The following FBXO38 variants were observed in gnomAD, a reference collection of about 807,000 sequenced individuals.
FBXO38 encodes the protein F-box only protein 38.
FBXO38 carries 53 observed loss-of-function variants against 131.9 expected under a neutral mutation model. The ratio of observed to expected loss-of-function variants is 0.40; its 90% CI spans 0.32 to 0.51. The LOEUF (loss-of-function observed/expected upper bound fraction) is 0.51, where lower values mean the gene tolerates loss of function less well. Among genes scored for constraint, FBXO38 ranks in the 20% least tolerant of loss-of-function variants. The probability of loss-of-function intolerance (pLI) is 0.53; values close to 1 mark genes in which losing one functional copy is unlikely to be tolerated. For missense variants in FBXO38, 1,076 were observed against 1,475.6 expected, an observed-to-expected ratio of 0.73 and a Z score of 4.44; for synonymous variants, 452 against 505.6, an observed-to-expected ratio of 0.89 and a Z score of 1.42.
intron 9 of FBXO38, chr5:148,413,892 A>G (rs1041445757): frequency 8.5e-6 from 3 of 353,186 alleles, no homozygotes; most frequent in Non-Finnish European, 1.5e-5. Context: ...TCTCTAAACA[A>G]TTGGAAATAA....
chr5:148,410,841 G>C, intron 9 of FBXO38, 76 bp downstream of exon 9: 1 of 1,385,552 alleles, frequency 7.2e-7, no homozygotes, highest in Non-Finnish European at 9.9e-7. Flanking sequence ...GAATTGGGTT[G>C]TGCCATGTCT....
chr5:148,432,704 T>A lies in FBXO38; in HGVS notation c.2654-720T>A, dbSNP rs10045091. Among the ~76,000 whole-genome samples the A allele has an allele frequency of 9.1e-3, 1,381 of 152,346 alleles. 20 individuals carry two copies. Among genetic ancestry groups the A allele is most frequent in the African/African-American group, 0.032 (1,318 of 41,588 alleles). The stretch of plus-strand genomic sequence containing the variant: ...AAGTGTTGAGTGCCAGTTCATTCAA[T>A]AAACATTCATTTTATCCCTTTGCTA... On this transcript the variant is annotated intron_variant, in intron 15 of 21. Coordinates refer to ENST00000340253, the MANE Select transcript of FBXO38 (RefSeq NM_205836.3).
At chr5:148,417,299 C>T in intron 12 of FBXO38, 95 bp downstream of exon 12, 1 of 894,210 alleles carries the variant, frequency 1.1e-6, no homozygotes, top group Admixed American at 2.1e-5. Context: ...CCTGTTTCAA[C>T]TTGTCACTTT....
intron 4 of FBXO38, 84 bp downstream of exon 4, chr5:148,402,229 C>G: frequency 6.5e-7 from 1 of 1,545,078 alleles, no homozygotes; most frequent in Non-Finnish European, 8.8e-7. Flanking sequence ...CACTCACATG[C>G]AAATCTCATC....
chr5:148,385,675 G>T (rs1463161030), intron 1 of FBXO38, among the ~76,000 whole-genome samples: 3 of 152,178 alleles, frequency 2.0e-5, no homozygotes, highest in Admixed American at 6.5e-5. Flanking sequence ...GGTTTATGTG[G>T]TGTGGTATTT....
At position 148,402,703 on chromosome 5, in the gene FBXO38, C is replaced by T. The variant is rs1581238319; in HGVS notation, c.592+190C>T. The T allele has an allele frequency of 1.7e-5, 8 of 462,786 alleles. No homozygotes were observed. In the East Asian group the frequency reaches 2.6e-4, roughly 15 times the overall value. 28.7% of individuals were successfully genotyped at this position (462,786 alleles called of 1,614,324 possible). A position where few individuals can be genotyped will look rare whatever the true frequency, so the allele number is the denominator to read the frequency against. ...ATCCACTGGTGTGAGGGAAATACTG[C>T]TTCACAAGTGTACATTCTCCATCTG... is the stretch of plus-strand genomic sequence containing the variant. On this transcript the variant is annotated intron_variant, in intron 5 of 21. Transcript: ENST00000340253.
intron 9 of FBXO38, among the ~76,000 whole-genome samples, chr5:148,412,576 G>C (rs1261541236): frequency 6.6e-6 from 1 of 152,090 alleles, no homozygotes; most frequent in African/African-American, 2.4e-5. Flanking sequence ...TACTGATAGA[G>C]ACGTATAACT....
At chr5:148,408,815 G>T (rs1049394983) in intron 7 of FBXO38, among the ~76,000 whole-genome samples, 1 of 152,140 alleles carries the variant, frequency 6.6e-6, no homozygotes, top group Non-Finnish European at 1.5e-5. Flanking sequence ...AAATGGCAGG[G>T]TTTCTTTTTT....
At position 148,417,072 on chromosome 5, in the gene FBXO38, A is replaced by G. The variant is rs1355866391; in HGVS notation, c.1486A>G (p.Asn496Asp). ...SALVSNQNSN[N>D]DDNNAQNNNA... ...TCTTGTTAGCAACCAGAACTCCAAC[A>G]ATGACGATAATAATGCCCAGAATAA... Residue 496 changes from asparagine to aspartate, a missense_variant, in exon 12 of 22, where the codon AAT becomes GAT. By Grantham distance (23) the Asn-to-Asp change is conservative. Transcript: ENST00000340253. The G allele has an allele frequency of 1.2e-6, 2 of 1,613,596 alleles. No individual in the cohort carries two copies. The highest frequency in any genetic ancestry group is 1.7e-5 in the Admixed American group (1 of 59,976).
chr5:148,400,364 G>A (rs148484519), intron 3 of FBXO38, among the ~76,000 whole-genome samples: 1,763 of 152,102 alleles, frequency 0.012, 16 homozygotes, highest in Non-Finnish European at 0.019. Context: ...TTCTGAAGAC[G>A]GGATTAACAC....
intron 12 of FBXO38, among the ~76,000 whole-genome samples, chr5:148,418,635 A>C (rs150550033): frequency 3.9e-4 from 60 of 152,322 alleles, no homozygotes; most frequent in African/African-American, 1.4e-3. Flanking sequence ...TATGGTACAT[A>C]GTACAGGTTA....
chr5:148,417,320 G>T lies in FBXO38; in HGVS notation c.1618+116G>T, dbSNP rs1006803862. On this transcript the variant is annotated intron_variant, in intron 12 of 21. Transcript: ENST00000340253. ...TCAACTTGTCACTTTCCACATTGAG[G>T]AAAGCTAGTTGATAAGGAACATGAG... The T allele has an allele frequency of 7.8e-6, 6 of 768,142 alleles. No homozygotes were observed. In the African/African-American group the frequency reaches 1.0e-4, roughly 13 times the overall value. 47.6% of individuals were successfully genotyped at this position (768,142 alleles called of 1,614,324 possible). A position where few individuals can be genotyped will look rare whatever the true frequency, so the allele number is the denominator to read the frequency against.
chr5:148,424,076 G>A lies in FBXO38; in HGVS notation c.1697G>A (p.Ser566Asn), dbSNP rs775673656. The change falls in exon 13 of 22, where the codon AGC (serine) becomes AAC (asparagine). Residue 566 changes from serine to asparagine, a missense_variant. This residue lies in a region of FBXO38 where 212 missense variants were observed against 221.2 expected (regional missense o/e 0.96). Transcript: ENST00000340253. ...AGTGGAAATAATACTCCAGCTCACA[G>A]CCAGGCAATTATTCCTGTGGATGTT... Reference protein sequence around the residue: ...AESGNNTPAHSQAIIPVDVDE... With the variant: ...AESGNNTPAHNQAIIPVDVDE... 3.1e-6 allele frequency: 5 copies of A among 1,613,742 alleles called. No homozygotes were observed. The African/African-American group carries it at 4.0e-5, about 13-fold the overall frequency.
At chr5:148,390,454 C>G (rs1758142597) in intron 1 of FBXO38, among the ~76,000 whole-genome samples, 1 of 152,162 alleles carries the variant, frequency 6.6e-6, no homozygotes, top group Non-Finnish European at 1.5e-5. Context: ...GTAGGGGCCT[C>G]ACTATTCACC....
At chr5:148,439,819 C>T (rs1195879807) in intron 19 of FBXO38, 27 bp downstream of exon 19, 10 of 1,608,758 alleles carry the variant, frequency 6.2e-6, no homozygotes, top group Non-Finnish European at 8.5e-6. Flanking sequence ...CCCTTAAAGG[C>T]CTTTTGAGTC....
intron 18 of FBXO38, among the ~76,000 whole-genome samples, chr5:148,438,751 C>T (rs558594922): frequency 6.6e-6 from 1 of 152,276 alleles, no homozygotes; most frequent in South Asian, 2.1e-4. Flanking sequence ...TTCTGGCTGT[C>T]TGACCTGTAG....
chr5:148,422,826 C>T (rs1353557825), intron 12 of FBXO38, among the ~76,000 whole-genome samples: 1 of 152,164 alleles, frequency 6.6e-6, no homozygotes, highest in Non-Finnish European at 1.5e-5. Context: ...AGTGGTTTCC[C>T]TCTGCCTACT....
rs536476616 is a variant in FBXO38, at chr5:148,405,970, A to G, written c.731-287A>G. Among the ~76,000 whole-genome samples, 17 of 152,294 alleles carry G rather than the reference A, an allele frequency of 1.1e-4. No homozygotes were observed. In the Middle Eastern group the frequency reaches 0.01, roughly 91 times the overall value. ...TACTTGAGTGAAGGATCAAATTTTT[A>G]TCTTGACTTTTTCCCATTAGTTAGT... On this transcript the variant is annotated intron_variant, in intron 6 of 21. Transcript: ENST00000340253.
chr5:148,414,268 A>G lies in FBXO38; in HGVS notation c.1226A>G (p.Asn409Ser), dbSNP rs1256846374. The G allele has an allele frequency of 6.2e-7, 1 of 1,611,774 alleles. No homozygotes were observed. The highest frequency in any genetic ancestry group is 8.5e-7 in the Non-Finnish European group (1 of 1,179,064). The change falls in exon 10 of 22, where the codon AAT becomes AGT. Residue 409 changes from asparagine (N) to serine (S), a missense_variant. Coordinates refer to ENST00000340253, the MANE Select transcript of FBXO38 (RefSeq NM_205836.3). The stretch of plus-strand genomic sequence containing the variant: ...TGTATCAAATATCTGGCAATTTACA[A>G]TTGCCCTCATCTACACAACCCATAC... ...FSCIKYLAIY[N>S]CPHLHNPYNW...
Sources: gnomAD v4.1 joint callset for allele counts (sites outside exome capture counted in the v4.1 genomes callset) on GRCh38, gnomAD v4.1.1 for gene constraint, gnomAD v4.1.1 regional missense constraint, MANE v1.5 for transcripts, NCBI Gene and HGNC (gene_info 2026-07-23, HGNC 2026-07-21) for gene names.